The following DCUN1D2 variants were observed in gnomAD, a reference collection of about 807,000 sequenced individuals.
The protein encoded by DCUN1D2 is DCN1-like protein 2.
A neutral mutation model predicts 30.9 loss-of-function variants in DCUN1D2; 29 were observed. The ratio of observed to expected loss-of-function variants is 0.94; its 90% confidence interval spans 0.70 to 1.28. The LOEUF (loss-of-function observed/expected upper bound fraction) is 1.28, where lower values mean the gene tolerates loss of function less well. Among genes scored for constraint, DCUN1D2 ranks in the 50% most tolerant of loss-of-function variants. The pLI, the probability that DCUN1D2 is intolerant of heterozygous loss-of-function variation, is 0.00. For missense variants in DCUN1D2, 325 were observed against 316.9 expected (o/e 1.03, Z -0.19); for synonymous variants, 121 against 115.3 (o/e 1.05, Z -0.32).
intron 4 of DCUN1D2, among the ~76,000 whole-genome samples, chr13:113,470,219 A>C (rs1207058334): frequency 6.6e-6 from 1 of 152,224 alleles, no homozygotes; most frequent in Non-Finnish European, 1.5e-5. Flanking sequence ...CAGTACAGTC[A>C]CACGCTGTCC....
At chr13:113,487,590 A>G (rs2044830071) in intron 1 of DCUN1D2, among the ~76,000 whole-genome samples, 1 of 152,206 alleles carries the variant, frequency 6.6e-6, no homozygotes, top group African/African-American at 2.4e-5. Context: ...GTCCAGCCGC[A>G]CAGTGTGCGA....
chr13:113,490,762 G>T, upstream of DCUN1D2: 6 of 1,119,942 alleles, frequency 5.4e-6, no homozygotes, highest in Non-Finnish European at 6.6e-6. The surrounding 1 kb of genome is among the most constrained non-coding windows in gnomAD (Gnocchi z 5.2). Context: ...GCGGCCCTCG[G>T]CTCCGGGGCA....
intron 5 of DCUN1D2, among the ~76,000 whole-genome samples, 175 bp downstream of exon 5, chr13:113,460,879 C>T (rs1035779469): frequency 2.6e-5 from 4 of 152,168 alleles, no homozygotes; most frequent in Non-Finnish European, 5.9e-5. Context: ...CTGCAGTCTC[C>T]GGCAAGGTGA....
chr13:113,463,369 C>T (rs2044348929), intron 4 of DCUN1D2, among the ~76,000 whole-genome samples: 1 of 152,064 alleles, frequency 6.6e-6, no homozygotes, highest in African/African-American at 2.4e-5. Flanking sequence ...AATTAGCTCT[C>T]ATGAAACTTC....
At position 113,474,231 on chromosome 13, in the gene DCUN1D2, T is replaced by C; in HGVS notation, c.413A>G (p.Lys138Arg). Reference protein sequence around the residue: ...ELGCDSMEKLKALLPRLEQEL... With the variant: ...ELGCDSMEKLRALLPRLEQEL... The stretch of plus-strand genomic sequence containing the variant: ...CTGCTCCAGTCTTGGCAGAAGAGCC[T>C]TTAGCTTCTCCATGCTGTCACACCT... The change falls in exon 4 of 7, where the codon AAG (lysine) becomes AGG (arginine). Residue 138 changes from lysine (K) to arginine (R), a missense_variant. Transcript: ENST00000478244. 1 of 1,614,040 alleles carries C rather than the reference T, an allele frequency of 6.2e-7. No homozygotes were observed. The highest frequency in any genetic ancestry group is 8.5e-7 in the Non-Finnish European group (1 of 1,179,910).
chr13:113,462,682 AAG>A (rs965384713), intron 4 of DCUN1D2: 15 of 912,188 alleles, frequency 1.6e-5, no homozygotes, highest in East Asian at 1.2e-4. Context: ...ATCAGAAAGA[AAG>A]AGAGAGTCAG....
chr13:113,473,376 C>CG (rs1438084587), intron 4 of DCUN1D2, among the ~76,000 whole-genome samples: 30 of 152,082 alleles, frequency 2.0e-4, no homozygotes, highest in Admixed American at 4.6e-4. Flanking sequence ...ACAGTTAAAG[C>CG]GAATGCAGAC....
intron 4 of DCUN1D2, chr13:113,463,047 A>G: frequency 4.5e-6 from 1 of 221,968 alleles, no homozygotes; most frequent in South Asian, 7.3e-5. Context: ...AATATTTATT[A>G]TTATTTACAT....
intron 1 of DCUN1D2, among the ~76,000 whole-genome samples, chr13:113,489,649 C>A (rs1417905975): frequency 1.3e-5 from 2 of 152,148 alleles, no homozygotes; most frequent in Non-Finnish European, 2.9e-5. Context: ...CTCTCTGTGC[C>A]TTAGCCAGGA....
chr13:113,486,752 C>G (rs1413974529), intron 1 of DCUN1D2, among the ~76,000 whole-genome samples: 1 of 152,188 alleles, frequency 6.6e-6, no homozygotes, highest in African/African-American at 2.4e-5. Context: ...TTAAGCCCAT[C>G]TGCAAAGTCC....
At chr13:113,468,526 G>T (rs1033741564) in intron 4 of DCUN1D2, among the ~76,000 whole-genome samples, 2 of 152,158 alleles carry the variant, frequency 1.3e-5, no homozygotes, top group Non-Finnish European at 1.5e-5. Context: ...AGTTAAAATG[G>T]TTAAAAGACA....
At chr13:113,485,994 A>C (rs1436957998) in intron 1 of DCUN1D2, among the ~76,000 whole-genome samples, 2 of 152,164 alleles carry the variant, frequency 1.3e-5, no homozygotes, top group Non-Finnish European at 2.9e-5. Context: ...ATGGGTTTTT[A>C]TTGCTAATTA....
At chr13:113,484,861 T>A (rs971540780) in intron 1 of DCUN1D2, among the ~76,000 whole-genome samples, 1 of 152,100 alleles carries the variant, frequency 6.6e-6, no homozygotes, top group Non-Finnish European at 1.5e-5. Context: ...GCGGATCACC[T>A]GAGGTCAGGA....
chr13:113,485,074 T>C (rs1230935970), intron 1 of DCUN1D2, among the ~76,000 whole-genome samples: 1 of 123,978 alleles, frequency 8.1e-6, no homozygotes, highest in Non-Finnish European at 1.6e-5. Context: ...CGAGACTCTA[T>C]CTCAATAAAT....
In DCUN1D2 at chr13:113,484,164, G is replaced by C. The variant is rs976111342; in HGVS notation, c.4-108C>G. ...TGGGCAGAATTAGAGACAAAGCCTTGCTCTTCATCAGTTACAAAGACTGCA... is the reference window on the plus strand; with the variant it reads ...TGGGCAGAATTAGAGACAAAGCCTTCCTCTTCATCAGTTACAAAGACTGCA... On this transcript the variant is annotated intron_variant, in intron 1 of 6. Coordinates refer to ENST00000478244, the MANE Select transcript of DCUN1D2 (RefSeq NM_001014283.2). The C allele has an allele frequency of 1.2e-5, 19 of 1,525,824 alleles. No individual in the cohort carries two copies. In the Admixed American group the frequency reaches 3.2e-4, roughly 26 times the overall value. The allele number at this position is 1,525,824 out of a possible 1,614,324, so 94.5% of individuals were successfully genotyped here. A position where few individuals can be genotyped will look rare whatever the true frequency, so the allele number is the denominator to read the frequency against.
intron 4 of DCUN1D2, among the ~76,000 whole-genome samples, chr13:113,467,949 C>T (rs538407799): frequency 6.7e-6 from 1 of 148,768 alleles, no homozygotes; most frequent in African/African-American, 2.5e-5. Flanking sequence ...GAGGCTGAGG[C>T]AGGAGAATTG....
At position 113,474,190 on chromosome 13, in the gene DCUN1D2, C is replaced by G. The variant is rs370170005; in HGVS notation, c.454G>C (p.Ala152Pro). The G allele has an allele frequency of 2.4e-5, 39 of 1,614,012 alleles. No homozygotes were observed. The African/African-American group carries it at 4.8e-4, about 20-fold the overall frequency. The change falls in exon 4 of 7, where the codon GCC becomes CCC. Residue 152 changes from alanine (A) to proline (P), a missense_variant. Transcript: ENST00000478244. ...AACTGATAAAAATCTTTAAACTTGG[C>G]TGTGTCCTTCAGCTCCTGCTCCAGT... ...PRLEQELKDT[A>P]KFKDFYQFTF...
chr13:113,484,106 G>T, intron 1 of DCUN1D2, 50 bp from the exon 2 acceptor site: 1 of 1,606,480 alleles, frequency 6.2e-7, no homozygotes, highest in African/African-American at 1.3e-5. Flanking sequence ...CTCCAGGTTT[G>T]TCCCAGCTTT....
Position 113,468,590 on chromosome 13 carries a change from C to A in DCUN1D2, c.520+5534G>T, listed in dbSNP as rs554078633. On this transcript the variant is annotated intron_variant, in intron 4 of 6. Coordinates refer to ENST00000478244, the MANE Select transcript of DCUN1D2 (RefSeq NM_001014283.2). The stretch of plus-strand genomic sequence containing the variant: ...CAAGGACTCCTGACTGGTTTAAACG[C>A]GAGACGTGCCACGCTCCATCAACCT... 3.3e-5 allele frequency among the ~76,000 whole-genome samples: 5 copies of A among 152,114 alleles called. No homozygotes were observed. The South Asian group carries it at 1.0e-3, about 32-fold the overall frequency.
Sources: gnomAD v4.1 joint callset for allele counts (sites outside exome capture counted in the v4.1 genomes callset) on GRCh38, gnomAD v4.1.1 for gene constraint, Gnocchi (gnomAD v3.1) non-coding constraint, MANE v1.5 for transcripts, NCBI Gene and HGNC (gene_info 2026-07-23, HGNC 2026-07-21) for gene names.